The following DOK6 variants were observed in gnomAD, a reference collection of about 807,000 sequenced individuals.
The protein encoded by DOK6 is docking protein 6, also known as downstream of tyrosine kinase 6.
A neutral mutation model predicts 44.0 loss-of-function variants in DOK6; 22 were observed. The observed-to-expected ratio is 0.50, with a 90% CI of 0.36 to 0.71. The LOEUF (loss-of-function observed/expected upper bound fraction) is 0.71, where lower values mean the gene tolerates loss of function less well. Ranked by LOEUF, DOK6 falls within the 30% of genes least tolerant of loss-of-function variation. DOK6 has a pLI of 0.00. For synonymous variants in DOK6, 166 were observed against 145.5 expected, an observed-to-expected ratio of 1.14 and a Z score of -1.01; for missense variants, 340 against 416.4, an observed-to-expected ratio of 0.82 and a Z score of 1.60.
rs1022495807 is a variant in DOK6 at position 69,844,563 on chromosome 18, T to G, written c.*3180T>G. ...ACCTTGATCCAATAGTTTCCTATTC[T>G]GGGGGGTGGGGGCAGAGGCGGAAAA... is the stretch of plus-strand genomic sequence containing the variant. On this transcript the variant is annotated 3_prime_UTR_variant, in exon 8 of 8. Coordinates refer to ENST00000382713, the MANE Select transcript of DOK6 (RefSeq NM_152721.6). 1.3e-5 allele frequency: 2 copies of G among 152,006 alleles called. No homozygotes were observed. The highest frequency in any genetic ancestry group is 2.9e-5 in the Non-Finnish European group (2 of 68,024). 9.4% of individuals were successfully genotyped at this position (152,006 alleles called of 1,614,324 possible).
intron 7 of DOK6, among the ~76,000 whole-genome samples, chr18:69,791,352 T>A (rs1980591341): frequency 6.6e-6 from 1 of 152,208 alleles, no homozygotes; most frequent in South Asian, 2.1e-4. Context: ...GTGGTTATAC[T>A]AACTTACATT....
At chr18:69,588,707 CT>C (rs1328074056) in intron 2 of DOK6, among the ~76,000 whole-genome samples, 1 of 151,966 alleles carries the variant, frequency 6.6e-6, no homozygotes, top group East Asian at 1.9e-4. Flanking sequence ...AAATCAGGTT[CT>C]GGTAAGAGTG....
chr18:69,402,571 G>A (rs1916123804), intron 1 of DOK6, among the ~76,000 whole-genome samples: 1 of 152,214 alleles, frequency 6.6e-6, no homozygotes. Flanking sequence ...GGACGGGAAA[G>A]GCAGACTTGA....
At chr18:69,716,172 C>T (rs924055453) in intron 5 of DOK6, among the ~76,000 whole-genome samples, 1 of 152,112 alleles carries the variant, frequency 6.6e-6, no homozygotes, top group Non-Finnish European at 1.5e-5. Context: ...GGTCAGAGAG[C>T]AGCATCAAAC....
intron 1 of DOK6, among the ~76,000 whole-genome samples, chr18:69,541,646 A>T (rs542806348): frequency 2.0e-5 from 3 of 151,626 alleles, no homozygotes; most frequent in South Asian, 4.2e-4. Context: ...AAGCTGTTTG[A>T]CATACAAAGT....
chr18:69,604,609 T>C (rs1027187429), intron 3 of DOK6, among the ~76,000 whole-genome samples: 2 of 152,178 alleles, frequency 1.3e-5, no homozygotes, highest in East Asian at 3.8e-4. Flanking sequence ...TTAAAGTGTT[T>C]GAGAAATAAA....
chr18:69,579,865 C>T (rs544419868), intron 2 of DOK6, among the ~76,000 whole-genome samples: 269 of 152,180 alleles, frequency 1.8e-3, no homozygotes, highest in African/African-American at 4.7e-3. Flanking sequence ...GCGGTCGATC[C>T]GCCCGCCTCA....
At chr18:69,426,796 AC>A (rs1978650592) in intron 1 of DOK6, among the ~76,000 whole-genome samples, 1 of 151,866 alleles carries the variant, frequency 6.6e-6, no homozygotes, top group Non-Finnish European at 1.5e-5. Context: ...ATGTTACCCT[AC>A]CTTTTATTCA....
intron 1 of DOK6, among the ~76,000 whole-genome samples, chr18:69,425,570 A>G (rs1978614733): frequency 6.6e-6 from 1 of 152,088 alleles, no homozygotes; most frequent in Admixed American, 6.6e-5. Flanking sequence ...TGAATGTATT[A>G]TAAAATATTT....
At chr18:69,629,937 C>T (rs960113881) in intron 3 of DOK6, among the ~76,000 whole-genome samples, 3 of 151,800 alleles carry the variant, frequency 2.0e-5, no homozygotes, top group Non-Finnish European at 4.4e-5. Flanking sequence ...ATTACAGGTG[C>T]TAATTTGTAG....
chr18:69,426,726 G>A (rs561008045), intron 1 of DOK6, among the ~76,000 whole-genome samples: 5 of 152,244 alleles, frequency 3.3e-5, no homozygotes, highest in Non-Finnish European at 5.9e-5. Flanking sequence ...TGTAGAATAT[G>A]ATATGTGTCA....
At chr18:69,801,210 A>C (rs1478777692) in intron 7 of DOK6, among the ~76,000 whole-genome samples, 1 of 152,088 alleles carries the variant, frequency 6.6e-6, no homozygotes. Context: ...CATTTTCCCC[A>C]ATCATGAATG....
intron 2 of DOK6, among the ~76,000 whole-genome samples, chr18:69,565,081 A>G (rs1982936479): frequency 6.6e-6 from 1 of 152,214 alleles, no homozygotes; most frequent in Non-Finnish European, 1.5e-5. Context: ...TTGGAATAAA[A>G]TATCAATCTC....
chr18:69,688,948 T>C (rs1461855451), intron 4 of DOK6, among the ~76,000 whole-genome samples: 1 of 152,192 alleles, frequency 6.6e-6, no homozygotes, highest in African/African-American at 2.4e-5. Context: ...GGATGCAACT[T>C]AGAGATATAT....
intron 3 of DOK6, among the ~76,000 whole-genome samples, chr18:69,651,742 C>T (rs2144663385): frequency 6.6e-6 from 1 of 152,088 alleles, no homozygotes; most frequent in East Asian, 1.9e-4. Context: ...GCCTCCTCAG[C>T]CTCCAAAGTG....
chr18:69,487,067 G>C (rs1197998532), intron 1 of DOK6, among the ~76,000 whole-genome samples: 1 of 152,078 alleles, frequency 6.6e-6, no homozygotes, highest in African/African-American at 2.4e-5. Context: ...GGGATAGAAA[G>C]AGGGGAAAGG....
chr18:69,485,175 T>G (rs1186725763), intron 1 of DOK6, among the ~76,000 whole-genome samples: 1 of 152,148 alleles, frequency 6.6e-6, no homozygotes. Context: ...TGGAATCAAC[T>G]GTTCAACAGA....
At chr18:69,458,260 T>C (rs1159127669) in intron 1 of DOK6, among the ~76,000 whole-genome samples, 1 of 152,192 alleles carries the variant, frequency 6.6e-6, no homozygotes, top group Non-Finnish European at 1.5e-5. Flanking sequence ...AATCAACAAA[T>C]GTGATTCACC....
intron 3 of DOK6, among the ~76,000 whole-genome samples, chr18:69,676,202 C>T (rs12607490): frequency 0.44 from 66,273 of 152,086 alleles, 15,033 homozygotes; most frequent in East Asian, 0.73. Flanking sequence ...AAAAGTGCTT[C>T]TCATGATAGG....
Sources: gnomAD v4.1 joint callset for allele counts (sites outside exome capture counted in the v4.1 genomes callset) on GRCh38, gnomAD v4.1.1 for gene constraint, MANE v1.5 for transcripts, NCBI Gene and HGNC (gene_info 2026-07-23, HGNC 2026-07-21) for gene names.